Variants in GRIK2 observed in about 807,000 individuals in gnomAD.
The protein encoded by GRIK2 is glutamate ionotropic receptor kainate type subunit 2.
Under a neutral mutation model 100.3 loss-of-function variants are expected in GRIK2, and 32 were observed. That is an observed-to-expected ratio of 0.32 (90% CI 0.24 to 0.43). GRIK2 has a LOEUF of 0.43. GRIK2 is among the 20% of genes least tolerant of loss of function. GRIK2 has a pLI of 1.00. For missense variants in GRIK2, 843 were observed against 1,114.9 expected (o/e 0.76, Z 3.47); for synonymous variants, 417 against 389.4 (o/e 1.07, Z -0.83).
intron 2 of GRIK2, among the ~76,000 whole-genome samples, chr6:101,566,104 G>A (rs768918605): frequency 2.9e-4 from 44 of 151,510 alleles, no homozygotes; most frequent in Non-Finnish European, 5.6e-4. Flanking sequence ...GGAAGAGGAG[G>A]GGTTGGTCTT....
intron 4 of GRIK2, among the ~76,000 whole-genome samples, chr6:101,647,565 G>A (rs553250882): frequency 3.2e-4 from 49 of 151,900 alleles, no homozygotes; most frequent in African/African-American, 1.2e-3. Flanking sequence ...ATGAGTAAAT[G>A]GTATATAGTG....
At chr6:101,534,027 A>G (rs1045850119) in intron 2 of GRIK2, among the ~76,000 whole-genome samples, 3 of 151,952 alleles carry the variant, frequency 2.0e-5, no homozygotes, top group Non-Finnish European at 2.9e-5. Flanking sequence ...TTGAGAAGCA[A>G]TACTTACAAA....
intron 13 of GRIK2, 46 bp from the exon 14 acceptor site, chr6:101,928,369 A>G: frequency 1.0e-6 from 1 of 970,642 alleles, no homozygotes; most frequent in Non-Finnish European, 1.7e-6. Context: ...CTGATTGCTG[A>G]TCAAATTCTC....
chr6:101,494,829 A>T (rs1353577213), intron 2 of GRIK2, among the ~76,000 whole-genome samples: 1 of 151,508 alleles, frequency 6.6e-6, no homozygotes, highest in Non-Finnish European at 1.5e-5. Flanking sequence ...GATACTCAGG[A>T]GACTGAGGTG....
At chr6:101,809,948 G>A (rs538788252) in intron 9 of GRIK2, among the ~76,000 whole-genome samples, 4 of 152,006 alleles carry the variant, frequency 2.6e-5, no homozygotes, top group Non-Finnish European at 5.9e-5. Flanking sequence ...TTTATGTTTA[G>A]AAATCAATCA....
intron 14 of GRIK2, among the ~76,000 whole-genome samples, chr6:101,998,492 G>GT (rs1283019687): frequency 3.9e-5 from 6 of 152,020 alleles, no homozygotes; most frequent in East Asian, 3.9e-4. Context: ...TTTATGTAGG[G>GT]TTTTTTTGCT....
chr6:101,927,881 A>G (rs914484431), intron 13 of GRIK2: 2 of 154,498 alleles, frequency 1.3e-5, no homozygotes, highest in African/African-American at 4.8e-5. Flanking sequence ...ACCCCACATC[A>G]TTTCAAGAAA....
chr6:101,485,060 A>G (rs532071824), intron 2 of GRIK2, among the ~76,000 whole-genome samples: 170 of 152,334 alleles, frequency 1.1e-3, no homozygotes, highest in African/African-American at 3.8e-3. Context: ...ACAAAGTACA[A>G]TGACAACAAC....
At chr6:101,887,402 C>A (rs900833784) in intron 11 of GRIK2, among the ~76,000 whole-genome samples, 12 of 151,996 alleles carry the variant, frequency 7.9e-5, no homozygotes, top group African/African-American at 2.9e-4. Context: ...TTTTCATGTG[C>A]CTAAGAGAAA....
rs570591396 is a variant in GRIK2, at chr6:102,046,021, C to T, written c.2312-9309C>T. 2.6e-5 allele frequency among the ~76,000 whole-genome samples: 4 copies of T among 152,050 alleles called. No individual in the cohort carries two copies. The South Asian group carries it at 8.3e-4, about 32-fold the overall frequency. ...AGTGATGGAAAATGTATTCCATGCA[C>T]ATGGTAACCAAAAGTCAGCAGGGAT... On this transcript the variant is annotated intron_variant, in intron 15 of 16. Transcript: ENST00000369134.
At chr6:101,982,780 C>CACTT in intron 14 of GRIK2, among the ~76,000 whole-genome samples, 1 of 151,430 alleles carries the variant, frequency 6.6e-6, no homozygotes, top group East Asian at 2.0e-4. Context: ...CAAGTGGCAC[C>CACTT]ACTTACATAA....
chr6:101,408,643 T>C (rs931348590), intron 2 of GRIK2, among the ~76,000 whole-genome samples: 1 of 152,074 alleles, frequency 6.6e-6, no homozygotes, highest in African/African-American at 2.4e-5. Context: ...TCCCTTTTTT[T>C]CTCAGGAGGG....
chr6:101,920,142 G>A (rs970818477), intron 12 of GRIK2, among the ~76,000 whole-genome samples: 6 of 151,984 alleles, frequency 3.9e-5, no homozygotes, highest in African/African-American at 1.4e-4. Flanking sequence ...AGTATGACTT[G>A]ACCCTCTTCA....
At chr6:101,714,696 T>C (rs996555007) in intron 7 of GRIK2, among the ~76,000 whole-genome samples, 2 of 151,808 alleles carry the variant, frequency 1.3e-5, no homozygotes, top group Non-Finnish European at 2.9e-5. Flanking sequence ...TTTCGCTTCT[T>C]AATTCCTTTC....
intron 3 of GRIK2, among the ~76,000 whole-genome samples, chr6:101,623,478 T>G (rs934052562): frequency 4.6e-5 from 7 of 152,122 alleles, no homozygotes; most frequent in Admixed American, 3.9e-4. Flanking sequence ...TTCATGATTG[T>G]TTCCATTAGG....
At chr6:101,743,598 A>G (rs886664192) in intron 7 of GRIK2, among the ~76,000 whole-genome samples, 3 of 152,064 alleles carry the variant, frequency 2.0e-5, no homozygotes, top group African/African-American at 7.2e-5. Flanking sequence ...TCTCCTTACC[A>G]CAGAGAAAGT....
At position 101,818,403 on chromosome 6, in the gene GRIK2, A is replaced by G. The variant is rs1781763411; in HGVS notation, c.1237A>G (p.Met413Val). 1.2e-6 allele frequency: 2 copies of G among 1,611,008 alleles called. No individual in the cohort carries two copies. The highest frequency in any genetic ancestry group is 1.7e-6 in the Non-Finnish European group (2 of 1,177,220). Residue 413 changes from methionine (M) to valine (V), a missense_variant, in exon 10 of 17, where the codon ATG becomes GTG. By Grantham distance (21) the Met-to-Val change is conservative (BLOSUM62 1). Around this residue, in one of 3 missense-constraint regions of GRIK2, gnomAD observed 519 missense variants for 643.8 expected, o/e 0.81. Coordinates refer to ENST00000369134, the MANE Select transcript of GRIK2 (RefSeq NM_021956.5). ...GTGGGATCCAGCCAGTGGCCTGAAT[A>G]TGACAGAAAGTCAAAAGGGAAAGCC... ...GTWDPASGLNMTESQKGKPAN... is the reference protein window; with the variant it reads ...GTWDPASGLNVTESQKGKPAN...
chr6:101,508,426 A>C (rs996623085), intron 2 of GRIK2, among the ~76,000 whole-genome samples: 2 of 151,842 alleles, frequency 1.3e-5, no homozygotes, highest in African/African-American at 4.8e-5. Context: ...CCTGAGACTA[A>C]GTCATCCCTC....
intron 14 of GRIK2, among the ~76,000 whole-genome samples, chr6:102,009,337 C>T (rs939686160): frequency 6.6e-6 from 1 of 151,984 alleles, no homozygotes; most frequent in African/African-American, 2.4e-5. Context: ...TATTCAGTTT[C>T]TACTTCTAGT....
Sources: gnomAD v4.1 joint callset for allele counts (sites outside exome capture counted in the v4.1 genomes callset) on GRCh38, gnomAD v4.1.1 for gene constraint, gnomAD v4.1.1 regional missense constraint, MANE v1.5 for transcripts, NCBI Gene and HGNC (gene_info 2026-07-23, HGNC 2026-07-21) for gene names.